Variants in NGEF observed in about 807,000 individuals in gnomAD.
NGEF encodes ephexin-1.
In NGEF, 31 loss-of-function variants were observed where a neutral mutation model predicts 80.9. That is an observed-to-expected ratio of 0.38 (90% CI 0.29 to 0.52). The LOEUF (loss-of-function observed/expected upper bound fraction) is 0.52. Among genes scored for constraint, NGEF ranks in the 20% least tolerant of loss-of-function variants. The pLI is 0.84. For missense variants in NGEF, 709 were observed against 926.2 expected, an observed-to-expected ratio of 0.77 and a Z score of 3.04; for synonymous variants, 371 against 370.2, an observed-to-expected ratio of 1.00 and a Z score of -0.03.
At chr2:232,912,339 A>G (rs1428988720) in intron 5 of NGEF, among the ~76,000 whole-genome samples, 1 of 152,084 alleles carries the variant, frequency 6.6e-6, no homozygotes, top group Non-Finnish European at 1.5e-5. Context: ...TATTTAACTA[A>G]CCTTGCATTC....
chr2:232,981,689 C>G (rs1018383007), intron 1 of NGEF, among the ~76,000 whole-genome samples: 1 of 152,158 alleles, frequency 6.6e-6, no homozygotes, highest in African/African-American at 2.4e-5. Flanking sequence ...TTCCCGAGAC[C>G]CTACCTGCCA....
intron 1 of NGEF, among the ~76,000 whole-genome samples, chr2:232,991,455 G>A (rs1042692491): frequency 3.3e-5 from 5 of 151,276 alleles, no homozygotes; most frequent in African/African-American, 1.2e-4. Context: ...TAGCAGGAAG[G>A]AATAAACCAT....
intron 1 of NGEF, among the ~76,000 whole-genome samples, chr2:232,987,677 C>T (rs923029841): frequency 4.6e-5 from 7 of 152,212 alleles, no homozygotes; most frequent in South Asian, 2.1e-4. Flanking sequence ...TATGGGAATA[C>T]GCTGCCCATG....
In NGEF at chr2:233,007,607, G is replaced by T. The variant is rs75064495; in HGVS notation, c.-75+5461C>A. The stretch of plus-strand genomic sequence containing the variant: ...TGTCTATGCATGCTACTTAATTTTG[G>T]CATTTTCTGTGATATTTCTCCAATG... On this transcript the variant is annotated intron_variant, in intron 1 of 14. Coordinates refer to ENST00000264051, the MANE Select transcript of NGEF (RefSeq NM_019850.3). Among the ~76,000 whole-genome samples the T allele has an allele frequency of 7.6e-3, 1,159 of 152,240 alleles. 14 individuals carry two copies. The highest frequency in any genetic ancestry group is 0.027 in the African/African-American group (1,106 of 41,540).
Position 232,881,145 on chromosome 2 carries a change from C to T in NGEF, c.1942+1G>A. The stretch of plus-strand genomic sequence containing the variant: ...CCCGAGGGGAGGTCCCTGGGCCTCA[C>T]CGTCGTCAGTCTTGTCCAGGATGTT... On this transcript the variant is annotated splice_donor_variant, in intron 14 of 14. Coordinates refer to ENST00000264051, the MANE Select transcript of NGEF (RefSeq NM_019850.3). LOFTEE classifies it high-confidence loss of function. 4 of 1,611,988 alleles carry T rather than the reference C, an allele frequency of 2.5e-6. No individual in the cohort carries two copies. The highest frequency in any genetic ancestry group is 3.4e-6 in the Non-Finnish European group (4 of 1,179,898).
chr2:232,905,868 GCA>G (rs1692501700), intron 5 of NGEF: 2 of 148,982 alleles, frequency 1.3e-5, no homozygotes, highest in African/African-American at 9.9e-5. Flanking sequence ...TCTCCGTCCG[GCA>G]GCCGCCCCGT....
At chr2:232,920,707 G>T in intron 4 of NGEF, 122 bp from the exon 5 acceptor site, 1 of 932,574 alleles carries the variant, frequency 1.1e-6, no homozygotes, top group Non-Finnish European at 1.5e-6. Context: ...AATACACAGT[G>T]CAAGCCAGCC....
chr2:232,963,256 A>T (rs1693989195), intron 3 of NGEF, among the ~76,000 whole-genome samples: 3 of 151,948 alleles, frequency 2.0e-5, no homozygotes, highest in South Asian at 4.1e-4. Flanking sequence ...GTCTACGGTC[A>T]TTGGACTTTT....
At chr2:232,915,114 C>CTCTCCTGG in intron 5 of NGEF, among the ~76,000 whole-genome samples, 1 of 152,270 alleles carries the variant, frequency 6.6e-6, no homozygotes, top group East Asian at 1.9e-4. Flanking sequence ...ACCCTCCTGG[C>CTCTCCTGG]TCTCCTGGGA....
chr2:232,884,195 C>G (rs541650938), intron 10 of NGEF, 51 bp from the exon 11 acceptor site: 9 of 1,500,428 alleles, frequency 6.0e-6, no homozygotes, highest in Non-Finnish European at 8.0e-6. Context: ...TGTCCCTCCC[C>G]AGGACATGCC....
chr2:232,982,451 A>G (rs987071361), intron 1 of NGEF, among the ~76,000 whole-genome samples: 1 of 152,136 alleles, frequency 6.6e-6, no homozygotes, highest in Non-Finnish European at 1.5e-5. Context: ...CATCATTTCC[A>G]CATTCCTTCC....
chr2:232,971,504 G>A (rs189007029), intron 2 of NGEF, among the ~76,000 whole-genome samples: 1 of 152,158 alleles, frequency 6.6e-6, no homozygotes, highest in South Asian at 2.1e-4. Flanking sequence ...GGCCAACATG[G>A]TGAAACCCTG....
chr2:232,920,316 T>A lies in NGEF; in HGVS notation c.796A>T (p.Ile266Phe). 1 of 1,613,966 alleles carries A rather than the reference T, an allele frequency of 6.2e-7. No homozygotes were observed. Among genetic ancestry groups the A allele is most frequent in the Non-Finnish European group, 8.5e-7 (1 of 1,179,972 alleles). Residue 266 changes from isoleucine (I) to phenylalanine (F), a missense_variant, in exon 5 of 15, where the codon ATC becomes TTC. Physicochemically the swap from Ile to Phe is conservative, Grantham distance 21. Transcript: ENST00000264051. The stretch of plus-strand genomic sequence containing the variant: ...AGCTTAATCTCCTCGGGCTGTAGGA[T>A]CTCAAGCACCCCGCTGCTCCGGATC... ...PEIRSSGVLE[I>F]LQPEEIKLQE...
chr2:232,998,839 C>T (rs61148291), intron 1 of NGEF, among the ~76,000 whole-genome samples: 15,463 of 152,154 alleles, frequency 0.1, 826 homozygotes, highest in Non-Finnish European at 0.11. Flanking sequence ...CCTGGGCACT[C>T]GACACACCCC....
At chr2:232,942,405 A>T (rs892870145) in intron 3 of NGEF, among the ~76,000 whole-genome samples, 2 of 152,208 alleles carry the variant, frequency 1.3e-5, no homozygotes, top group Admixed American at 1.3e-4. Context: ...ATCCGGGGGA[A>T]GCTTGAAAGC....
intron 9 of NGEF, 39 bp from the exon 10 acceptor site, chr2:232,885,408 G>C: frequency 1.3e-6 from 2 of 1,570,608 alleles, no homozygotes; most frequent in East Asian, 2.2e-5. Context: ...CACCAAAGCC[G>C]GCTGTCCCGG....
intron 5 of NGEF, among the ~76,000 whole-genome samples, chr2:232,914,120 C>A (rs778909012): frequency 2.6e-5 from 4 of 152,222 alleles, no homozygotes; most frequent in Non-Finnish European, 5.9e-5. Flanking sequence ...CAGCCACACT[C>A]ATTCCTTTAC....
intron 3 of NGEF, among the ~76,000 whole-genome samples, chr2:232,954,377 A>G (rs1021761654): frequency 2.6e-5 from 4 of 152,162 alleles, no homozygotes; most frequent in Admixed American, 6.6e-5. Flanking sequence ...AAGTTGCCAG[A>G]AAATGACATT....
At chr2:232,965,696 T>C (rs952456248) in intron 3 of NGEF, among the ~76,000 whole-genome samples, 2 of 152,154 alleles carry the variant, frequency 1.3e-5, no homozygotes, top group South Asian at 2.1e-4. Context: ...GGCTTTTGTC[T>C]AGAAAATGTC....
Sources: gnomAD v4.1 joint callset for allele counts (sites outside exome capture counted in the v4.1 genomes callset) on GRCh38, gnomAD v4.1.1 for gene constraint, MANE v1.5 for transcripts, NCBI Gene and HGNC (gene_info 2026-07-23, HGNC 2026-07-21) for gene names.